Variants in INSR observed in about 807,000 individuals in gnomAD.
INSR encodes IR.
Under a neutral mutation model 142.6 loss-of-function variants are expected in INSR, and 67 were observed. The observed-to-expected ratio is 0.47, with a 90% CI of 0.39 to 0.58. INSR has a LOEUF of 0.58. Ranked by LOEUF, INSR falls within the 20% of genes least tolerant of loss-of-function variation. The pLI, the probability that INSR is intolerant of heterozygous loss-of-function variation, is 0.00. For missense variants in INSR, 1,248 were observed against 1,833.2 expected (o/e 0.68, Z 5.83); for synonymous variants, 756 against 743.1 (o/e 1.02, Z -0.28).
intron 11 of INSR, among the ~76,000 whole-genome samples, chr19:7,146,609 T>C (rs1225729140): frequency 1.3e-5 from 2 of 152,186 alleles, no homozygotes; most frequent in African/African-American, 4.8e-5. Flanking sequence ...CTTTTATAGA[T>C]TTCTGTGCCC....
At chr19:7,132,747 G>A (rs1300416156) in intron 13 of INSR, among the ~76,000 whole-genome samples, 19 of 151,592 alleles carry the variant, frequency 1.3e-4, no homozygotes, top group Admixed American at 9.9e-4. Context: ...GCTCACCACC[G>A]CGCCTGCCTA....
rs766371813 is a variant in INSR at position 7,122,752 on chromosome 19, G to C, written c.3391C>G (p.Pro1131Ala). 4 of 1,614,048 alleles carry C rather than the reference G, an allele frequency of 2.5e-6. No homozygotes were observed. The African/African-American group carries it at 4.0e-5, about 16-fold the overall frequency. ...ATCTGAATCATCTCTTGAAGGGTAG[G>C]GGGAGGGCGGCCAGGATTATTCTAA... ...EAENNPGRPP[P>A]TLQEMIQMAA... The change falls in exon 19 of 22, where the codon CCT becomes GCT. Residue 1131 changes from proline (P) to alanine (A), a missense_variant. Transcript: ENST00000302850.
intron 14 of INSR, 147 bp downstream of exon 14, chr19:7,132,011 A>AGAGGGCAAGCACC: frequency 1.0e-6 from 1 of 958,290 alleles, no homozygotes; most frequent in South Asian, 1.4e-5. Flanking sequence ...GCAGGATCAA[A>AGAGGGCAAGCACC]GAGGGCAAGC....
chr19:7,133,384 T>C (rs934836660), intron 13 of INSR, among the ~76,000 whole-genome samples: 12 of 152,228 alleles, frequency 7.9e-5, no homozygotes, highest in Non-Finnish European at 1.6e-4. Flanking sequence ...CATCACTTCA[T>C]GTACTTATTT....
rs990596637 is a variant in INSR, at chr19:7,119,661, C to T, written c.3660-78G>A. ...ACACGCGCGCGCGCAAACACACACA[C>T]GCAAACGCACACACACACGCAAACA... On this transcript the variant is annotated intron_variant, in intron 20 of 21. Transcript: ENST00000302850. This position sits in a 1 kb window ranked among gnomAD's most constrained non-coding sequence, Gnocchi z 5.2. 8.5e-5 allele frequency: 128 copies of T among 1,506,046 alleles called. No homozygotes were observed. The highest frequency in any genetic ancestry group is 1.6e-4 in the East Asian group (7 of 44,264). 93.3% of individuals were successfully genotyped at this position (1,506,046 alleles called of 1,614,324 possible).
Position 7,119,759 on chromosome 19 carries a change from T to TACACACAA in INSR, c.3660-184_3660-177dup, listed in dbSNP as rs1555734651. Among the ~76,000 whole-genome samples the TACACACAA allele has an allele frequency of 1.7e-5, 2 of 118,858 alleles. No homozygotes were observed. The highest frequency in any genetic ancestry group is 6.8e-5 in the African/African-American group (2 of 29,416). 78.0% of individuals were successfully genotyped at this position (118,858 alleles called of 152,430 possible). On this transcript the variant is annotated intron_variant, in intron 20 of 21. Transcript: ENST00000302850. This position sits in a 1 kb window ranked among gnomAD's most constrained non-coding sequence, Gnocchi z 5.2. ...ACATACACGTGCACACACATGCAAA[T>TACACACAA]ACACACAAACACGCATGCGCACACA...
chr19:7,292,675 C>T (rs538042061), intron 1 of INSR, among the ~76,000 whole-genome samples: 217 of 152,250 alleles, frequency 1.4e-3, no homozygotes, highest in African/African-American at 4.8e-3. Context: ...AGTAACCCAA[C>T]AGATATTTTT....
intron 11 of INSR, among the ~76,000 whole-genome samples, chr19:7,145,453 C>A (rs1384479675): frequency 6.6e-6 from 1 of 152,180 alleles, no homozygotes; most frequent in African/African-American, 2.4e-5. Context: ...TATGTACCTA[C>A]TTTCCCAAAC....
chr19:7,136,825 TTACATATA>T (rs934695117), intron 13 of INSR, among the ~76,000 whole-genome samples: 3 of 23,076 alleles, frequency 1.3e-4, no homozygotes, highest in African/African-American at 7.5e-4. Context: ...ATTTATTTAT[TTACATATA>T]TATATATATA....
intron 2 of INSR, among the ~76,000 whole-genome samples, chr19:7,205,610 T>A (rs1975086454): frequency 6.6e-6 from 1 of 152,134 alleles, no homozygotes; most frequent in Non-Finnish European, 1.5e-5. Context: ...GGCTCTCTCA[T>A]GCCTGTAATC....
intron 2 of INSR, among the ~76,000 whole-genome samples, chr19:7,241,740 G>A (rs958008366): frequency 2.0e-5 from 3 of 150,674 alleles, no homozygotes; most frequent in Non-Finnish European, 3.0e-5. Context: ...CTGGTATTGA[G>A]TGGAGGCCAG....
intron 2 of INSR, among the ~76,000 whole-genome samples, chr19:7,254,764 T>A (rs1976838020): frequency 6.6e-6 from 1 of 152,080 alleles, no homozygotes; most frequent in Non-Finnish European, 1.5e-5. Context: ...CCCGGGGCAT[T>A]TCAGGTGTTC....
rs772334614 is a variant in INSR, at chr19:7,122,724, G to A, written c.3419C>T (p.Ala1140Val). 13 of 1,614,020 alleles carry A rather than the reference G, an allele frequency of 8.1e-6. No individual in the cohort carries two copies. Among genetic ancestry groups the A allele is most frequent in the East Asian group, 2.2e-5 (1 of 44,896 alleles). ...PPTLQEMIQM[A>V]AEIADGMAYL... ...GGCCATCCCGTCAGCAATCTCTGCC[G>A]CCATCTGAATCATCTCTTGAAGGGT... The change falls in exon 19 of 22, where the codon GCG becomes GTG. Residue 1140 changes from alanine to valine, a missense_variant. By Grantham distance (64) the Ala-to-Val change is moderately conservative (BLOSUM62 0). Coordinates refer to ENST00000302850, the MANE Select transcript of INSR (RefSeq NM_000208.4).
intron 1 of INSR, among the ~76,000 whole-genome samples, chr19:7,272,447 G>C (rs1967950097): frequency 6.6e-6 from 1 of 151,742 alleles, no homozygotes; most frequent in African/African-American, 2.4e-5. Context: ...GTGAAAACCT[G>C]TCTCTACTAA....
intron 10 of INSR, chr19:7,152,499 G>T: frequency 1.7e-6 from 1 of 590,932 alleles, no homozygotes; most frequent in Non-Finnish European, 3.1e-6. Flanking sequence ...GCTGAGTTTT[G>T]TCCATTTTTC....
chr19:7,133,208 G>C (rs1204464710), intron 13 of INSR, among the ~76,000 whole-genome samples: 1 of 152,142 alleles, frequency 6.6e-6, no homozygotes, highest in African/African-American at 2.4e-5. Flanking sequence ...GGTGCAGTGA[G>C]CTATGAAGGC....
In INSR at chr19:7,216,619, C is replaced by T. The variant is rs915193509; in HGVS notation, c.653-31982G>A. On this transcript the variant is annotated intron_variant, in intron 2 of 21. Coordinates refer to ENST00000302850, the MANE Select transcript of INSR (RefSeq NM_000208.4). The surrounding 1 kb of genome is among the most constrained non-coding windows in gnomAD (Gnocchi z 4.2). Reference sequence around the variant, plus strand: ...TGTAATGGAGCCACTGCAGGTGTCCCCAGAAGCCACAGCAAGGCCATCAGG... The same window carrying T: ...TGTAATGGAGCCACTGCAGGTGTCCTCAGAAGCCACAGCAAGGCCATCAGG... Among the ~76,000 whole-genome samples the T allele has an allele frequency of 2.0e-5, 3 of 152,094 alleles. No individual in the cohort carries two copies. The highest frequency in any genetic ancestry group is 7.2e-5 in the African/African-American group (3 of 41,406).
intron 3 of INSR, among the ~76,000 whole-genome samples, chr19:7,180,777 G>A (rs1974254592): frequency 6.6e-6 from 1 of 152,056 alleles, no homozygotes; most frequent in Non-Finnish European, 1.5e-5. Context: ...GCAAGTTGCA[G>A]GAAAAGCTCC....
In INSR at chr19:7,267,066, G is replaced by A. The variant is rs1967755611; in HGVS notation, c.652+279C>T. On this transcript the variant is annotated intron_variant, in intron 2 of 21. Coordinates refer to ENST00000302850, the MANE Select transcript of INSR (RefSeq NM_000208.4). The surrounding 1 kb of genome is among the most constrained non-coding windows in gnomAD (Gnocchi z 6.3). ...GTAAATAAAGTTTTATTGAAACACA[G>A]CCACAGTCATACATTTATGCATGCC... Among the ~76,000 whole-genome samples, 1 of 152,072 alleles carries A rather than the reference G, an allele frequency of 6.6e-6. No homozygotes were observed. Among genetic ancestry groups the A allele is most frequent in the Non-Finnish European group, 1.5e-5 (1 of 68,020 alleles).
Sources: gnomAD v4.1 joint callset for allele counts (sites outside exome capture counted in the v4.1 genomes callset) on GRCh38, gnomAD v4.1.1 for gene constraint, Gnocchi (gnomAD v3.1) non-coding constraint, MANE v1.5 for transcripts, NCBI Gene and HGNC (gene_info 2026-07-23, HGNC 2026-07-21) for gene names.